Variants in TTK observed in about 807,000 individuals in gnomAD.
TTK encodes the protein dual specificity protein kinase TTK.
In TTK, 59 loss-of-function variants were observed where a neutral mutation model predicts 117.3. That is an observed-to-expected ratio of 0.50 (90% confidence interval 0.41 to 0.62). The LOEUF (loss-of-function observed/expected upper bound fraction) is 0.62. Among genes scored for constraint, TTK ranks in the 20% least tolerant of loss-of-function variants. The pLI, the probability that TTK is intolerant of heterozygous loss-of-function variation, is 0.00. For synonymous variants in TTK, 302 were observed against 325.0 expected, an observed-to-expected ratio of 0.93 and a Z score of 0.76; for missense variants, 921 against 989.4, an observed-to-expected ratio of 0.93 and a Z score of 0.93.
intron 10 of TTK, among the ~76,000 whole-genome samples, chr6:80,017,572 C>G (rs1323446185): frequency 6.6e-6 from 1 of 152,238 alleles, no homozygotes; most frequent in Non-Finnish European, 1.5e-5. Context: ...AGCTATCACA[C>G]CAGGCCTAAT....
intron 5 of TTK, 75 bp downstream of exon 5, chr6:80,011,032 G>GA: frequency 7.1e-7 from 1 of 1,414,244 alleles, no homozygotes; most frequent in Middle Eastern, 2.6e-4. Flanking sequence ...ATAATTTATA[G>GA]AAAAATATTA....
intron 20 of TTK, 134 bp from the exon 21 acceptor site, chr6:80,040,472 C>T (rs985990923): frequency 3.4e-6 from 3 of 880,056 alleles, no homozygotes; most frequent in South Asian, 4.6e-5. Context: ...TTTATTTTTA[C>T]TTATTCCAGA....
intron 10 of TTK, among the ~76,000 whole-genome samples, chr6:80,014,924 C>T (rs1767265785): frequency 6.6e-6 from 1 of 152,028 alleles, no homozygotes; most frequent in Admixed American, 6.6e-5. Flanking sequence ...TGGTTTTCTA[C>T]TGCATGGGTA....
intron 20 of TTK, 88 bp downstream of exon 20, chr6:80,040,368 T>C: frequency 8.6e-7 from 1 of 1,167,514 alleles, no homozygotes; most frequent in Non-Finnish European, 1.2e-6. Context: ...AGAATCTAAA[T>C]TGGCTACCCT....
At chr6:80,040,828 C>A in intron 21 of TTK, 125 bp downstream of exon 21, 1 of 717,660 alleles carries the variant, frequency 1.4e-6, no homozygotes, top group South Asian at 2.0e-5. Flanking sequence ...CATGTTTCTA[C>A]ATTTAGATAC....
In TTK at chr6:80,010,914, A is replaced by G. The variant is rs758643129; in HGVS notation, c.570A>G (p.Gln190=). Residue 190 remains glutamine (Q), a synonymous_variant, in exon 5 of 22, where the codon CAA becomes CAG. Coordinates refer to ENST00000369798, the MANE Select transcript of TTK (RefSeq NM_003318.5). ...TTGCCCTGCGGAATTTAAACCTCCA[A>G]AAAAAGCAGCTGCTTTCAGAGGAGG... ...LEIALRNLNL[Q]KKQLLSEEEK... is the part of the protein sequence containing the mutation. 8 of 1,612,470 alleles carry G rather than the reference A, an allele frequency of 5.0e-6. No homozygotes were observed. The highest frequency in any genetic ancestry group is 1.1e-5 in the South Asian group (1 of 91,020).
intron 10 of TTK, among the ~76,000 whole-genome samples, chr6:80,014,827 T>A (rs239568): frequency 0.62 from 93,949 of 151,978 alleles, 29,485 homozygotes; most frequent in Admixed American, 0.73. Context: ...GAACTGAGTT[T>A]TTTTTCTCAG....
intron 4 of TTK, among the ~76,000 whole-genome samples, chr6:80,009,008 G>T (rs1164905348): frequency 1.4e-5 from 2 of 147,468 alleles, no homozygotes; most frequent in Admixed American, 6.9e-5. Flanking sequence ...AAAGTAAACT[G>T]CTGTAGAAAC....
At chr6:80,026,652 T>C in intron 12 of TTK, 138 bp downstream of exon 12, 1 of 1,258,192 alleles carries the variant, frequency 7.9e-7, no homozygotes, top group Non-Finnish European at 1.1e-6. Flanking sequence ...TTTTTCAGCA[T>C]CAGTGTTTTC....
intron 10 of TTK, 94 bp from the exon 11 acceptor site, chr6:80,022,230 A>G (rs1364488747): frequency 7.8e-7 from 1 of 1,287,228 alleles, no homozygotes; most frequent in Non-Finnish European, 1.0e-6. Context: ...TAAGAACTAA[A>G]TACTCATATA....
chr6:80,032,312 A>G (rs1442154635), intron 14 of TTK, among the ~76,000 whole-genome samples: 2 of 152,000 alleles, frequency 1.3e-5, no homozygotes, highest in Non-Finnish European at 1.5e-5. Context: ...TCTCTTCTCA[A>G]ACTGTCCATA....
At chr6:80,039,656 A>G (rs1272902352) in intron 18 of TTK, 40 bp from the exon 19 acceptor site, 1 of 1,460,094 alleles carries the variant, frequency 6.8e-7, no homozygotes, top group South Asian at 1.6e-5. Context: ...TTATATGAAA[A>G]TAACAGCAAC....
intron 2 of TTK, 64 bp from the exon 3 acceptor site, chr6:80,007,745 A>G (rs1767031466): frequency 7.2e-7 from 1 of 1,383,008 alleles, no homozygotes; most frequent in Non-Finnish European, 9.8e-7. Context: ...ATTTTGAAGG[A>G]AAAATGCAAT....
chr6:80,011,657 G>T, intron 6 of TTK, 72 bp from the exon 7 acceptor site: 1 of 1,569,554 alleles, frequency 6.4e-7, no homozygotes, highest in Non-Finnish European at 8.7e-7. Flanking sequence ...GTGTGATAAT[G>T]TTTAGCAGTA....
intron 2 of TTK, among the ~76,000 whole-genome samples, chr6:80,007,228 A>G (rs1223481658): frequency 2.0e-5 from 3 of 152,128 alleles, no homozygotes; most frequent in Non-Finnish European, 4.4e-5. Context: ...GGCCTCTAGC[A>G]GAAATTTAGG....
intron 10 of TTK, among the ~76,000 whole-genome samples, chr6:80,018,682 T>C (rs1377321863): frequency 6.6e-6 from 1 of 152,068 alleles, no homozygotes; most frequent in Non-Finnish European, 1.5e-5. Context: ...CTTTTAACTT[T>C]CTTTTCTATG....
At chr6:80,014,942 A>C (rs954639263) in intron 10 of TTK, among the ~76,000 whole-genome samples, 8 of 152,266 alleles carry the variant, frequency 5.3e-5, no homozygotes, top group African/African-American at 1.9e-4. Flanking sequence ...GTACTGTGAT[A>C]CATGTTCTAG....
chr6:80,031,420 T>A (rs907701174), intron 13 of TTK, 47 bp from the exon 14 acceptor site: 4 of 1,148,622 alleles, frequency 3.5e-6, no homozygotes, highest in Middle Eastern at 3.1e-4. Flanking sequence ...TAAGCTAGTT[T>A]CTTAGGTATA....
chr6:80,015,799 A>G lies in TTK; in HGVS notation c.1108+1213A>G, dbSNP rs187323371. On this transcript the variant is annotated intron_variant, in intron 10 of 21. Coordinates refer to ENST00000369798, the MANE Select transcript of TTK (RefSeq NM_003318.5). ...ATACTTTATTAATATAATAAAGCATATAGTCAGAACACTGCCCAAATCACA... is the reference window on the plus strand; with the variant it reads ...ATACTTTATTAATATAATAAAGCATGTAGTCAGAACACTGCCCAAATCACA... Among the ~76,000 whole-genome samples, 748 of 152,302 alleles carry G rather than the reference A, an allele frequency of 4.9e-3. 11 individuals are homozygous for G. The highest frequency in any genetic ancestry group is 0.032 in the Admixed American group (493 of 15,286).
Sources: gnomAD v4.1 joint callset for allele counts (sites outside exome capture counted in the v4.1 genomes callset) on GRCh38, gnomAD v4.1.1 for gene constraint, MANE v1.5 for transcripts, NCBI Gene and HGNC (gene_info 2026-07-23, HGNC 2026-07-21) for gene names.